Variants in PBLD observed in about 807,000 individuals in gnomAD.
PBLD encodes the protein phenazine biosynthesis-like domain-containing protein.
A neutral mutation model predicts 31.3 loss-of-function variants in PBLD; 26 were observed. The observed-to-expected ratio is 0.83, with a 90% CI of 0.61 to 1.15. The LOEUF (loss-of-function observed/expected upper bound fraction) is 1.15, where lower values mean the gene tolerates loss of function less well. PBLD is among the 50% of genes most tolerant of loss of function. The pLI is 0.00. For missense variants in PBLD, 307 were observed against 351.7 expected (o/e 0.87, Z 1.02); for synonymous variants, 114 against 129.0 (o/e 0.88, Z 0.79).
At chr10:68,299,517 T>C (rs1037431932) in intron 2 of PBLD, among the ~76,000 whole-genome samples, 2 of 152,164 alleles carry the variant, frequency 1.3e-5, no homozygotes, top group Non-Finnish European at 1.5e-5. Context: ...AGTGTGATTA[T>C]TGTGAAAAAT....
chr10:68,329,174 C>A (rs1003683246), intron 1 of PBLD, among the ~76,000 whole-genome samples: 1 of 152,184 alleles, frequency 6.6e-6, no homozygotes, highest in African/African-American at 2.4e-5. Context: ...CCACCATACC[C>A]AGCCTATATA....
chr10:68,289,055 C>T, intron 6 of PBLD, 36 bp from the exon 7 acceptor site: 2 of 1,528,268 alleles, frequency 1.3e-6, no homozygotes, highest in Non-Finnish European at 1.8e-6. Flanking sequence ...CAGGGACATG[C>T]CCTGGGCCAA....
rs2044252747 is a variant in PBLD at position 68,283,558 on chromosome 10, T to C, written c.*619A>G. On this transcript the variant is annotated 3_prime_UTR_variant, in exon 10 of 10. Transcript: ENST00000358769. ...ACTCATTTAAGCTCAAATGGTTTAGTATCACTCCTCAGAAATGTATTCCTC... is the reference window on the plus strand; with the variant it reads ...ACTCATTTAAGCTCAAATGGTTTAGCATCACTCCTCAGAAATGTATTCCTC... 1 of 152,268 alleles carries C rather than the reference T, an allele frequency of 6.6e-6. No individual in the cohort carries two copies. The highest frequency in any genetic ancestry group is 2.1e-4 in the South Asian group (1 of 4,830). 9.4% of individuals were successfully genotyped at this position (152,268 alleles called of 1,614,324 possible). A position where few individuals can be genotyped will look rare whatever the true frequency, so the allele number is the denominator to read the frequency against.
chr10:68,311,195 T>G (rs570921724), intron 1 of PBLD, among the ~76,000 whole-genome samples: 76 of 152,266 alleles, frequency 5.0e-4, no homozygotes, highest in Non-Finnish European at 1.0e-3. Context: ...ACACCTATAA[T>G]ATCAGCACTT....
chr10:68,312,906 C>T (rs1429541784), intron 1 of PBLD, among the ~76,000 whole-genome samples: 1 of 151,566 alleles, frequency 6.6e-6, no homozygotes, highest in African/African-American at 2.4e-5. Context: ...CCACCGGGCC[C>T]AGCCTTTTTT....
chr10:68,328,724 A>G (rs1745482383), intron 1 of PBLD, among the ~76,000 whole-genome samples: 1 of 152,316 alleles, frequency 6.6e-6, no homozygotes, highest in East Asian at 1.9e-4. Flanking sequence ...TGTAGGGATC[A>G]CTGGAGCAGT....
intron 8 of PBLD, among the ~76,000 whole-genome samples, chr10:68,285,881 A>G (rs978110595): frequency 1.8e-5 from 2 of 108,388 alleles, no homozygotes; most frequent in Non-Finnish European, 4.3e-5. Context: ...GGGTTTCACC[A>G]TGTTGCCCAG....
chr10:68,316,558 T>C (rs536628348), intron 1 of PBLD, among the ~76,000 whole-genome samples: 9 of 152,118 alleles, frequency 5.9e-5, no homozygotes, highest in Non-Finnish European at 1.3e-4. Flanking sequence ...AAAGAGAAAG[T>C]GGCAGAGAAA....
rs139346230 is a variant in PBLD, at chr10:68,295,916, G to A, written c.283+350C>T. 1.5e-3 allele frequency: 239 copies of A among 158,476 alleles called. 11 individuals carry two copies. In the East Asian group the frequency reaches 0.034, roughly 22 times the overall value. 9.8% of individuals were successfully genotyped at this position (158,476 alleles called of 1,614,324 possible). A position where few individuals can be genotyped will look rare whatever the true frequency, so the allele number is the denominator to read the frequency against. On this transcript the variant is annotated intron_variant, in intron 4 of 9. Coordinates refer to ENST00000358769, the MANE Select transcript of PBLD (RefSeq NM_022129.4). ...GCGGAGGTTGCAGTGAGTCAAGATCGTGCCATTGCTCTCCAGCCTGGGCAA... is the reference window on the plus strand; with the variant it reads ...GCGGAGGTTGCAGTGAGTCAAGATCATGCCATTGCTCTCCAGCCTGGGCAA...
intron 8 of PBLD, among the ~76,000 whole-genome samples, chr10:68,286,082 A>ATTATTT (rs1189723188): frequency 1.6e-5 from 1 of 63,694 alleles, no homozygotes; most frequent in Admixed American, 1.6e-4. Flanking sequence ...CCTTTGAATA[A>ATTATTT]TTCTTTTTTT....
At chr10:68,286,658 C>G (rs2044292335) in intron 8 of PBLD, among the ~76,000 whole-genome samples, 1 of 152,140 alleles carries the variant, frequency 6.6e-6, no homozygotes, top group African/African-American at 2.4e-5. Flanking sequence ...ACTCTTCCAC[C>G]AAGCTAACAT....
chr10:68,326,718 C>T (rs532496461), intron 1 of PBLD, among the ~76,000 whole-genome samples: 2 of 152,134 alleles, frequency 1.3e-5, no homozygotes, highest in Non-Finnish European at 2.9e-5. Context: ...AATCTCCACC[C>T]CCTATATAAT....
rs985384613 is a variant in PBLD, at chr10:68,286,209, T to C, written c.692-799A>G. ...TTAAAGTGATTCTCCTGTCTCAGCC[T>C]CCTGAGTAGCTGGGATTACAGGCAT... is the stretch of plus-strand genomic sequence containing the variant. On this transcript the variant is annotated intron_variant, in intron 8 of 9. Transcript: ENST00000358769. Among the ~76,000 whole-genome samples the C allele has an allele frequency of 3.4e-5, 5 of 148,546 alleles. No individual in the cohort carries two copies. In the Admixed American group the frequency reaches 3.5e-4, roughly 10 times the overall value.
At chr10:68,304,594 A>G (rs967953491) in intron 2 of PBLD, among the ~76,000 whole-genome samples, 3 of 152,264 alleles carry the variant, frequency 2.0e-5, no homozygotes, top group African/African-American at 7.2e-5. Context: ...AAAGAAAGAA[A>G]GAAAGAGATA....
In PBLD at chr10:68,283,241, A is replaced by G. The variant is rs2134411352; in HGVS notation, c.*936T>C. 1 of 152,202 alleles carries G rather than the reference A, an allele frequency of 6.6e-6. No individual in the cohort carries two copies. The highest frequency in any genetic ancestry group is 2.1e-4 in the South Asian group (1 of 4,824). 9.4% of individuals were successfully genotyped at this position (152,202 alleles called of 1,614,324 possible). On this transcript the variant is annotated 3_prime_UTR_variant, in exon 10 of 10. Transcript: ENST00000358769. Reference sequence around the variant, plus strand: ...TATGACAGGAAGTAGCCTAATACATACTTTTTTGTGTTAATTTTCTGGATT... The same window carrying G: ...TATGACAGGAAGTAGCCTAATACATGCTTTTTTGTGTTAATTTTCTGGATT...
chr10:68,290,418 A>G (rs1228174883), intron 6 of PBLD, among the ~76,000 whole-genome samples: 1 of 152,090 alleles, frequency 6.6e-6, no homozygotes, highest in Non-Finnish European at 1.5e-5. Flanking sequence ...GAGTTTGTAC[A>G]TTGATTTAAA....
chr10:68,283,947 A>G lies in PBLD; in HGVS notation c.*230T>C. On this transcript the variant is annotated 3_prime_UTR_variant, in exon 10 of 10. Transcript: ENST00000358769. ...TTTGTAGTAGAGACGAGGTTTCACC[A>G]TGTTGGCCAGGCTGGTGTCGAACCC... The G allele has an allele frequency of 2.7e-6, 1 of 368,402 alleles. No homozygotes were observed. Among genetic ancestry groups the G allele is most frequent in the Non-Finnish European group, 5.0e-6 (1 of 199,776 alleles). The allele number at this position is 368,402 out of a possible 1,614,324, so 22.8% of individuals were successfully genotyped here.
rs116643343 is a variant in PBLD, at chr10:68,318,979, G to A, written c.-59-12076C>T. ...AGAAGAAAGGCAGGCAGGCAAGAAG[G>A]AAGGAAGTTAGGAAAGAAAGAGAGA... On this transcript the variant is annotated intron_variant, in intron 1 of 9. Transcript: ENST00000358769. Among the ~76,000 whole-genome samples, 403 of 150,634 alleles carry A rather than the reference G, an allele frequency of 2.7e-3. 1 individual carries two copies. The highest frequency in any genetic ancestry group is 9.5e-3 in the African/African-American group (390 of 40,930).
At chr10:68,324,373 C>T (rs1299088424) in intron 1 of PBLD, among the ~76,000 whole-genome samples, 1 of 152,008 alleles carries the variant, frequency 6.6e-6, no homozygotes, top group African/African-American at 2.4e-5. Flanking sequence ...GATGAGGTTT[C>T]ACCATGTTGG....
Sources: allele counts gnomAD v4.1 joint callset (sites outside exome capture counted in the v4.1 genomes callset), GRCh38; gene constraint gnomAD v4.1.1; transcripts MANE v1.5; gene names NCBI Gene and HGNC (gene_info 2026-07-23, HGNC 2026-07-21).